Variants in MBOAT1 observed in about 807,000 individuals in gnomAD.
MBOAT1 encodes the protein membrane-bound glycerophospholipid O-acyltransferase 1.
In MBOAT1, 67 loss-of-function variants were observed where a neutral mutation model predicts 64.4. That is an observed-to-expected ratio of 1.04 (90% CI 0.85 to 1.27). The LOEUF is 1.27. MBOAT1 is among the 50% of genes most tolerant of loss of function. The pLI is 0.00. For missense variants in MBOAT1, 563 were observed against 604.6 expected, an observed-to-expected ratio of 0.93 and a Z score of 0.72; for synonymous variants, 229 against 218.9, an observed-to-expected ratio of 1.05 and a Z score of -0.41.
chr6:20,206,585 G>T (rs1763273016), intron 1 of MBOAT1, among the ~76,000 whole-genome samples: 1 of 152,180 alleles, frequency 6.6e-6, no homozygotes, highest in Non-Finnish European at 1.5e-5. Flanking sequence ...TGGGCTGAGT[G>T]CATGACAGAC....
intron 3 of MBOAT1, among the ~76,000 whole-genome samples, chr6:20,145,573 C>T (rs1761303930): frequency 6.6e-6 from 1 of 152,200 alleles, no homozygotes; most frequent in Admixed American, 6.5e-5. Context: ...TCCAGTGGAT[C>T]CCACTATCTA....
chr6:20,186,734 A>T (rs1197216423), intron 1 of MBOAT1, among the ~76,000 whole-genome samples: 1 of 152,268 alleles, frequency 6.6e-6, no homozygotes, highest in Admixed American at 6.5e-5. Context: ...ACTTAAGACA[A>T]CTACGTGAGA....
chr6:20,113,682 G>C (rs1321492458), intron 10 of MBOAT1, among the ~76,000 whole-genome samples: 1 of 151,864 alleles, frequency 6.6e-6, no homozygotes, highest in African/African-American at 2.4e-5. Flanking sequence ...TTGGCATTCT[G>C]ATTGTTTATT....
At chr6:20,113,244 T>G (rs752485549) in intron 10 of MBOAT1, among the ~76,000 whole-genome samples, 1 of 152,206 alleles carries the variant, frequency 6.6e-6, no homozygotes, top group Non-Finnish European at 1.5e-5. Flanking sequence ...TGTTATACAT[T>G]TTTAACCTCC....
intron 1 of MBOAT1, among the ~76,000 whole-genome samples, chr6:20,168,618 GA>G (rs1192231202): frequency 6.5e-5 from 8 of 123,188 alleles, no homozygotes; most frequent in East Asian, 2.3e-4. Flanking sequence ...GAAGAGAAGA[GA>G]AGAGAAGAGA....
At chr6:20,126,174 A>G (rs71560117) in intron 7 of MBOAT1, among the ~76,000 whole-genome samples, 13,052 of 152,218 alleles carry the variant, frequency 0.086, 748 homozygotes, top group Middle Eastern at 0.18. Context: ...CTTCTATGCC[A>G]TATCATCTTT....
chr6:20,176,599 G>A (rs1174525451), intron 1 of MBOAT1, among the ~76,000 whole-genome samples: 1 of 152,124 alleles, frequency 6.6e-6, no homozygotes, highest in Non-Finnish European at 1.5e-5. Flanking sequence ...TTATGATAAT[G>A]ATGATGATTT....
At chr6:20,184,034 T>A (rs768234086) in intron 1 of MBOAT1, among the ~76,000 whole-genome samples, 1 of 152,252 alleles carries the variant, frequency 6.6e-6, no homozygotes, top group South Asian at 2.1e-4. Flanking sequence ...TCTCCCCCTG[T>A]GTCCCTCACA....
intron 1 of MBOAT1, among the ~76,000 whole-genome samples, chr6:20,163,107 C>G (rs182632647): frequency 0.037 from 5,589 of 152,252 alleles, 140 homozygotes; most frequent in Middle Eastern, 0.061. Context: ...AACGATTGTG[C>G]TGTCTCTTTA....
chr6:20,130,308 T>C (rs778904827), intron 5 of MBOAT1, among the ~76,000 whole-genome samples: 2 of 152,160 alleles, frequency 1.3e-5, no homozygotes, highest in Non-Finnish European at 2.9e-5. Context: ...GAAGAAAATG[T>C]TCAGTTTTAT....
intron 1 of MBOAT1, among the ~76,000 whole-genome samples, chr6:20,195,129 T>G (rs921221433): frequency 2.0e-5 from 3 of 152,020 alleles, no homozygotes; most frequent in Admixed American, 1.3e-4. Context: ...ATTTTTACAT[T>G]TTTTGTAGAG....
chr6:20,135,003 G>T (rs1238629767), intron 4 of MBOAT1, among the ~76,000 whole-genome samples: 1 of 149,536 alleles, frequency 6.7e-6, no homozygotes, highest in Non-Finnish European at 1.5e-5. Flanking sequence ...TCCATAAATG[G>T]CTCCTTGATG....
intron 8 of MBOAT1, among the ~76,000 whole-genome samples, chr6:20,124,038 C>CA (rs1483948516): frequency 6.6e-6 from 1 of 152,104 alleles, no homozygotes; most frequent in East Asian, 1.9e-4. Context: ...GCCTGGGCGA[C>CA]AGAGTGAGAC....
rs1759793872 is a variant in MBOAT1, at chr6:20,101,770, T to C, written c.*516A>G. 2.0e-5 allele frequency among the ~76,000 whole-genome samples: 3 copies of C among 152,212 alleles called. No individual in the cohort carries two copies. In the South Asian group the frequency reaches 6.2e-4, roughly 32 times the overall value. ...CACCACTCAAATGTCCTATAAAATATCAAAACCAATAACCTGGACATGGCC... is the reference window on the plus strand; with the variant it reads ...CACCACTCAAATGTCCTATAAAATACCAAAACCAATAACCTGGACATGGCC... On this transcript the variant is annotated 3_prime_UTR_variant, in exon 13 of 13. Coordinates refer to ENST00000324607, the MANE Select transcript of MBOAT1 (RefSeq NM_001080480.3).
intron 1 of MBOAT1, among the ~76,000 whole-genome samples, chr6:20,163,878 GGAGT>G (rs1315923697): frequency 6.6e-6 from 1 of 152,032 alleles, no homozygotes; most frequent in African/African-American, 2.4e-5. Context: ...GCCTCCATAA[GGAGT>G]GAGGGGCACA....
intron 12 of MBOAT1, among the ~76,000 whole-genome samples, chr6:20,103,921 C>G (rs1005424347): frequency 1.3e-5 from 2 of 152,166 alleles, no homozygotes; most frequent in Non-Finnish European, 2.9e-5. Flanking sequence ...ATATCCTAGG[C>G]CTTCACATTC....
chr6:20,192,373 C>G (rs981698686), intron 1 of MBOAT1, among the ~76,000 whole-genome samples: 2 of 152,084 alleles, frequency 1.3e-5, no homozygotes, highest in Non-Finnish European at 2.9e-5. Context: ...TCTCTTCTTT[C>G]TCTTCCAGCT....
chr6:20,205,048 A>G (rs1763223548), intron 1 of MBOAT1, among the ~76,000 whole-genome samples: 1 of 151,982 alleles, frequency 6.6e-6, no homozygotes, highest in Non-Finnish European at 1.5e-5. Flanking sequence ...AATACAAAAA[A>G]ATTAGCCAGG....
At chr6:20,196,408 G>T (rs1287526626) in intron 1 of MBOAT1, among the ~76,000 whole-genome samples, 1 of 152,160 alleles carries the variant, frequency 6.6e-6, no homozygotes, top group Non-Finnish European at 1.5e-5. Context: ...CTGAGTGAGA[G>T]AAAGTAGATC....
Sources: gnomAD v4.1 joint callset for allele counts (sites outside exome capture counted in the v4.1 genomes callset) on GRCh38, gnomAD v4.1.1 for gene constraint, MANE v1.5 for transcripts, NCBI Gene and HGNC (gene_info 2026-07-23, HGNC 2026-07-21) for gene names.